KIAA1210: variants seen among roughly 807,000 people sequenced by gnomAD.
KIAA1210 encodes the protein KIAA1210, also known as acrosomal protein KIAA1210.
Under a neutral mutation model 78.9 loss-of-function variants are expected in KIAA1210, and 48 were observed. That is an observed-to-expected ratio of 0.61 (90% CI 0.48 to 0.77). The LOEUF (loss-of-function observed/expected upper bound fraction) is 0.77, where lower values mean the gene tolerates loss of function less well. KIAA1210 is among the 30% of genes least tolerant of loss of function. The probability of loss-of-function intolerance (pLI) is 0.00; values close to 1 mark genes in which losing one functional copy is unlikely to be tolerated. For missense variants in KIAA1210, 1,108 were observed against 1,100.0 expected (o/e 1.01, Z -0.10); for synonymous variants, 406 against 404.5 (o/e 1.00, Z -0.04).
Position 119,123,601 on chromosome X carries a change from A to G in KIAA1210, c.42T>C (p.Val14=), listed in dbSNP as rs978104552. The change falls in exon 2 of 12, where the codon GTT becomes GTC. Residue 14 remains valine (V), a synonymous_variant. Coordinates refer to ENST00000691062, the MANE Select transcript of KIAA1210 (RefSeq NM_001394962.1). ...SLSEISDSLD[V]LEAGDEGKKK... is the part of the protein sequence containing the mutation. The stretch of plus-strand genomic sequence containing the variant: ...ACTTACCCTCATCACCGGCCTCCAG[A>G]ACATCCAGACTGTCAGAAATTTCAC... 7.5e-6 allele frequency: 9 copies of G among 1,201,267 alleles called. No homozygotes were observed. Among genetic ancestry groups the G allele is most frequent in the Non-Finnish European group, 1.0e-5 (9 of 888,260 alleles).
At chrX:119,149,464 C>T (rs757352488) in intron 1 of KIAA1210, among the ~76,000 whole-genome samples, 13 of 111,142 alleles carry the variant, frequency 1.2e-4, no homozygotes, top group Non-Finnish European at 1.3e-4. Context: ...ACCCATGCAA[C>T]GCTCAGTGAT....
chrX:119,150,388 C>A, exon 1 of KIAA1210: 1 of 1,211,037 alleles, frequency 8.3e-7, no homozygotes, highest in Non-Finnish European at 1.1e-6. Context: ...GGCCAAGCTC[C>A]CCCTTGGTGC....
At position 119,150,469 on chromosome X, in the gene KIAA1210, A is replaced by C. The variant is rs778476026; in HGVS notation, c.111T>G (p.Ile37Met). The C allele has an allele frequency of 7.4e-6, 9 of 1,210,152 alleles. No individual in the cohort carries two copies. In the South Asian group the frequency reaches 1.6e-4, roughly 21 times the overall value. Reference sequence around the variant, plus strand: ...AGCCTTGGGAATACGCTCGACTTCCAATCCTGGCCCCTCGGTCCCTGGGGC... The same window carrying C: ...AGCCTTGGGAATACGCTCGACTTCCCATCCTGGCCCCTCGGTCCCTGGGGC... Residue 37 changes from isoleucine (I) to methionine (M), a missense_variant, in exon 1 of 14, where the codon ATT (isoleucine) becomes ATG (methionine). By Grantham distance (10) the Ile-to-Met change is conservative (BLOSUM62 1). Coordinates refer to the KIAA1210 transcript ENST00000402510.
intron 2 of KIAA1210, among the ~76,000 whole-genome samples, chrX:119,133,377 T>C (rs1179114293): frequency 1.8e-5 from 2 of 111,457 alleles, no homozygotes; most frequent in East Asian, 5.7e-4. Context: ...ATGATTCCAT[T>C]GTGGAAAGTC....
intron 6 of KIAA1210, among the ~76,000 whole-genome samples, chrX:119,104,785 T>C (rs1927836946): frequency 8.9e-6 from 1 of 112,117 alleles, no homozygotes; most frequent in African/African-American, 3.2e-5. Flanking sequence ...GAAAATACTA[T>C]CTTCCCTTGC....
At chrX:119,129,833 C>T (rs779559291), upstream of KIAA1210, among the ~76,000 whole-genome samples, 37 of 111,860 alleles carry the variant, frequency 3.3e-4, no homozygotes, top group African/African-American at 1.1e-3. Context: ...TTTCCAGCCA[C>T]CACCTTTTCT....
chrX:119,079,763 T>C lies in KIAA1210; in HGVS notation c.*1566A>G, dbSNP rs1311391162. 9.0e-6 allele frequency: 1 copy of C among 111,587 alleles called. No homozygotes were observed. Among genetic ancestry groups the C allele is most frequent in the East Asian group, 2.8e-4 (1 of 3,527 alleles). 9.2% of individuals were successfully genotyped at this position (111,587 alleles called of 1,213,427 possible). On this transcript the variant is annotated 3_prime_UTR_variant, in exon 12 of 12. Coordinates refer to ENST00000691062, the MANE Select transcript of KIAA1210 (RefSeq NM_001394962.1). ...TCTCCGTGGCTGGGGGATGAGTGGG[T>C]CACTGGAAGGTAGGGTCTCTCCAGC... is the stretch of plus-strand genomic sequence containing the variant.
At position 119,079,805 on chromosome X, in the gene KIAA1210, T is replaced by C. The variant is rs1165589969; in HGVS notation, c.*1524A>G. 1 of 111,410 alleles carries C rather than the reference T, an allele frequency of 9.0e-6. No individual in the cohort carries two copies. The highest frequency in any genetic ancestry group is 1.9e-5 in the Non-Finnish European group (1 of 53,026). The allele number at this position is 111,410 out of a possible 1,213,427, so 9.2% of individuals were successfully genotyped here. ...CTCTCCAGCCTAGTAACTTTTGAGG[T>C]GTGTGCCTCTAGGAATGAGAGGGGA... On this transcript the variant is annotated 3_prime_UTR_variant, in exon 12 of 12. Coordinates refer to ENST00000691062, the MANE Select transcript of KIAA1210 (RefSeq NM_001394962.1).
chrX:119,105,840 G>A (rs751072819), intron 5 of KIAA1210, among the ~76,000 whole-genome samples: 28 of 111,919 alleles, frequency 2.5e-4, no homozygotes, highest in Non-Finnish European at 4.7e-4. Flanking sequence ...ACTTGACTTT[G>A]AGACACTGGT....
intron 6 of KIAA1210, among the ~76,000 whole-genome samples, chrX:119,103,461 G>A (rs1418526812): frequency 8.9e-6 from 1 of 111,841 alleles, no homozygotes; most frequent in Non-Finnish European, 1.9e-5. Flanking sequence ...GCCAGGATGT[G>A]GAGAGATTGG....
rs957723790 is a variant in KIAA1210, at chrX:119,081,173, G to A, written c.*156C>T. ...TCCCAGCTAGTCGGGAGACTGAGGC[G>A]GGAGAGTGGCGTGAACCCGGGAGGC... On this transcript the variant is annotated 3_prime_UTR_variant, in exon 12 of 12. Transcript: ENST00000691062. The A allele has an allele frequency of 1.1e-5, 4 of 368,765 alleles. No homozygotes were observed. Among genetic ancestry groups the A allele is most frequent in the Admixed American group, 5.4e-5 (1 of 18,447 alleles). The allele number at this position is 368,765 out of a possible 1,213,427, so 30.4% of individuals were successfully genotyped here. A position where few individuals can be genotyped will look rare whatever the true frequency, so the allele number is the denominator to read the frequency against.
upstream of KIAA1210, among the ~76,000 whole-genome samples, chrX:119,130,076 C>T (rs1928754049): frequency 1.8e-5 from 2 of 112,178 alleles, no homozygotes; most frequent in African/African-American, 6.5e-5. Context: ...CTCACAATCT[C>T]AAAAAAGGCA....
rs1489404320 is a variant in KIAA1210 at position 119,079,746 on chromosome X, G to C, written c.*1583C>G. ...TTTTTGGTCTTCCCTCTTCTCCGTG[G>C]CTGGGGGATGAGTGGGTCACTGGAA... On this transcript the variant is annotated 3_prime_UTR_variant, in exon 12 of 12. Coordinates refer to ENST00000691062, the MANE Select transcript of KIAA1210 (RefSeq NM_001394962.1). The C allele has an allele frequency of 9.0e-6, 1 of 111,615 alleles. No homozygotes were observed. The highest frequency in any genetic ancestry group is 1.9e-5 in the Non-Finnish European group (1 of 53,167). 9.2% of individuals were successfully genotyped at this position (111,615 alleles called of 1,213,427 possible). A position where few individuals can be genotyped will look rare whatever the true frequency, so the allele number is the denominator to read the frequency against.
At position 119,079,943 on chromosome X, in the gene KIAA1210, G is replaced by A. The variant is rs928631017; in HGVS notation, c.*1386C>T. On this transcript the variant is annotated 3_prime_UTR_variant, in exon 12 of 12. Coordinates refer to ENST00000691062, the MANE Select transcript of KIAA1210 (RefSeq NM_001394962.1). Reference sequence around the variant, plus strand: ...ACCTTGTGAAGCAAAGACAGCTGAGGGGAAAGGACAAGAAGCTACATGGAG... The same window carrying A: ...ACCTTGTGAAGCAAAGACAGCTGAGAGGAAAGGACAAGAAGCTACATGGAG... The A allele has an allele frequency of 4.5e-5, 5 of 111,975 alleles. No individual in the cohort carries two copies. The highest frequency in any genetic ancestry group is 9.4e-5 in the Non-Finnish European group (5 of 53,235). The allele number at this position is 111,975 out of a possible 1,213,427, so 9.2% of individuals were successfully genotyped here.
chrX:119,123,268 C>T (rs1227246466), intron 2 of KIAA1210, among the ~76,000 whole-genome samples: 1 of 112,146 alleles, frequency 8.9e-6, no homozygotes, highest in Non-Finnish European at 1.9e-5. Flanking sequence ...ATCTGAATTA[C>T]TATCTACAGC....
At chrX:119,148,235 C>T (rs1929214438) in intron 1 of KIAA1210, among the ~76,000 whole-genome samples, 1 of 111,723 alleles carries the variant, frequency 9.0e-6, no homozygotes, top group Non-Finnish European at 1.9e-5. Context: ...CACAGTATCC[C>T]ACAATGTATG....
intron 2 of KIAA1210, among the ~76,000 whole-genome samples, chrX:119,143,972 A>G (rs1929107135): frequency 8.9e-6 from 1 of 112,461 alleles, no homozygotes; most frequent in Admixed American, 9.4e-5. Context: ...TTTCTACTAT[A>G]TGGTACCAAA....
intron 5 of KIAA1210, among the ~76,000 whole-genome samples, chrX:119,107,296 A>T (rs183163725): frequency 0.016 from 1,773 of 112,490 alleles, 16 homozygotes; most frequent in Middle Eastern, 0.028. Context: ...TAATTTTTTT[A>T]AAAAAATGGA....
chrX:119,132,109 A>G (rs186772048), upstream of KIAA1210, among the ~76,000 whole-genome samples: 9 of 111,317 alleles, frequency 8.1e-5, no homozygotes, highest in African/African-American at 2.9e-4. Flanking sequence ...TATAGCCTCA[A>G]AAAACTGAAT....
Sources: allele counts gnomAD v4.1 joint callset (sites outside exome capture counted in the v4.1 genomes callset), GRCh38; gene constraint gnomAD v4.1.1; transcripts MANE v1.5; gene names NCBI Gene and HGNC (gene_info 2026-07-23, HGNC 2026-07-21).